The following SBF2 variants were observed in gnomAD, a reference collection of about 807,000 sequenced individuals.
The protein encoded by SBF2 is myotubularin-related protein 13.
Under a neutral mutation model 225.2 loss-of-function variants are expected in SBF2, and 112 were observed. That is an observed-to-expected ratio of 0.50 (90% CI 0.43 to 0.58). The LOEUF (loss-of-function observed/expected upper bound fraction) is 0.58, where lower values mean the gene tolerates loss of function less well. Ranked by LOEUF, SBF2 falls within the 20% of genes least tolerant of loss-of-function variation. SBF2 has a pLI of 0.00. For synonymous variants in SBF2, 763 were observed against 773.3 expected, an observed-to-expected ratio of 0.99 and a Z score of 0.22; for missense variants, 1,996 against 2,206.2, an observed-to-expected ratio of 0.90 and a Z score of 1.91.
intron 34 of SBF2, 103 bp from the exon 35 acceptor site, chr11:9,789,445 T>C (rs1346435329): frequency 2.6e-6 from 2 of 761,144 alleles, no homozygotes; most frequent in Non-Finnish European, 4.6e-6. Context: ...GGAGGAAGAG[T>C]ATGAATGGAG....
At chr11:9,815,957 G>A (rs1854434040) in intron 29 of SBF2, among the ~76,000 whole-genome samples, 1 of 152,120 alleles carries the variant, frequency 6.6e-6, no homozygotes, top group Non-Finnish European at 1.5e-5. Flanking sequence ...CATCTTAAGG[G>A]CCAAGCATGT....
chr11:10,063,858 C>CACACAGAGAGAGAG (rs373423157), intron 2 of SBF2, among the ~76,000 whole-genome samples: 53 of 136,236 alleles, frequency 3.9e-4, no homozygotes, highest in African/African-American at 1.1e-3. Context: ...CACACACACA[C>CACACAGAGAGAGAG]AGAGAGAGAG....
At position 9,816,994 on chromosome 11, in the gene SBF2, C is replaced by A. The variant is rs150028248; in HGVS notation, c.3824G>T (p.Arg1275Leu). The A allele has an allele frequency of 6.2e-7, 1 of 1,614,084 alleles. No homozygotes were observed. The highest frequency in any genetic ancestry group is 1.7e-5 in the Admixed American group (1 of 60,008). The part of the protein sequence containing the change: ...GVWASLRSST[R>L]LISSPTSFID... ...GAAGGATGTTGGAGAGCTGATCAAGCGAGTGCTAGAGCGAAGACTTGCCCA... is the reference window on the plus strand; with the variant it reads ...GAAGGATGTTGGAGAGCTGATCAAGAGAGTGCTAGAGCGAAGACTTGCCCA... Residue 1275 changes from arginine (R) to leucine (L), a missense_variant, in exon 29 of 40, where the codon CGC becomes CTC. By Grantham distance (102) the Arg-to-Leu change is moderately radical. Coordinates refer to ENST00000256190, the MANE Select transcript of SBF2 (RefSeq NM_030962.4).
intron 1 of SBF2, among the ~76,000 whole-genome samples, chr11:10,265,080 C>T (rs1961840510): frequency 6.6e-6 from 1 of 152,050 alleles, no homozygotes; most frequent in South Asian, 2.1e-4. Flanking sequence ...GATTTATAAT[C>T]CTTTGGGTAC....
At chr11:9,842,500 G>A (rs1221567222) in intron 25 of SBF2, 125 bp downstream of exon 25, 1 of 908,034 alleles carries the variant, frequency 1.1e-6, no homozygotes, top group East Asian at 2.5e-5. Context: ...AAGCTGGTAA[G>A]TGCTTCCATC....
At chr11:10,027,600 TGA>T (rs1737009255) in intron 6 of SBF2, among the ~76,000 whole-genome samples, 1 of 152,152 alleles carries the variant, frequency 6.6e-6, no homozygotes, top group African/African-American at 2.4e-5. Context: ...TGGAGAGCAA[TGA>T]GAGTGGGACA....
chr11:10,241,004 T>C (rs11042685), intron 1 of SBF2, among the ~76,000 whole-genome samples: 60,166 of 151,962 alleles, frequency 0.4, 12,955 homozygotes, highest in Non-Finnish European at 0.48. Context: ...TTAAACAAAT[T>C]TGTGTCACAG....
chr11:9,778,795 GAAAT>G lies in SBF2; in HGVS notation c.*1619_*1622del, dbSNP rs1296375607. The G allele has an allele frequency of 6.5e-6, 1 of 152,704 alleles. No individual in the cohort carries two copies. The highest frequency in any genetic ancestry group is 2.1e-4 in the South Asian group (1 of 4,822). The allele number at this position is 152,704 out of a possible 1,614,324, so 9.5% of individuals were successfully genotyped here. A position where few individuals can be genotyped will look rare whatever the true frequency, so the allele number is the denominator to read the frequency against. On this transcript the variant is annotated 3_prime_UTR_variant, in exon 40 of 40. Transcript: ENST00000256190. ...GTAAATGAGGGATGCTTTTTCTTAA[GAAAT>G]AAATTTAATTCAAGGTGGTTAGTGA...
intron 2 of SBF2, among the ~76,000 whole-genome samples, chr11:10,061,912 T>C (rs1197855834): frequency 6.6e-6 from 1 of 152,170 alleles, no homozygotes; most frequent in Non-Finnish European, 1.5e-5. Context: ...AGAGCAAAGC[T>C]GGAGGAATCA....
chr11:9,985,876 A>C (rs1947178585), intron 13 of SBF2, among the ~76,000 whole-genome samples: 1 of 152,218 alleles, frequency 6.6e-6, no homozygotes, highest in African/African-American at 2.4e-5. Flanking sequence ...ACAGGTCATC[A>C]AGACAGAAAG....
At chr11:10,254,094 TTAAAAA>T (rs545318706) in intron 1 of SBF2, among the ~76,000 whole-genome samples, 138 of 152,230 alleles carry the variant, frequency 9.1e-4, no homozygotes, top group African/African-American at 3.2e-3. Flanking sequence ...GCTCAAACAA[TTAAAAA>T]TACTCAGGTA....
intron 17 of SBF2, among the ~76,000 whole-genome samples, chr11:9,865,013 T>C (rs1858072469): frequency 6.6e-6 from 1 of 152,030 alleles, no homozygotes; most frequent in African/African-American, 2.4e-5. Context: ...GGGGCTCAAG[T>C]GATCCTCCCA....
At chr11:9,993,791 A>G in intron 10 of SBF2, 130 bp downstream of exon 10, 1 of 924,818 alleles carries the variant, frequency 1.1e-6, no homozygotes, top group East Asian at 2.7e-5. Context: ...AAGTATCCTA[A>G]TTTCTAATTT....
intron 33 of SBF2, among the ~76,000 whole-genome samples, chr11:9,794,008 C>T (rs1034566732): frequency 2.0e-5 from 3 of 152,126 alleles, no homozygotes; most frequent in African/African-American, 7.2e-5. Context: ...GATGGCAGAA[C>T]CCTATGTCTA....
At chr11:9,964,271 G>A (rs548528329) in intron 14 of SBF2, among the ~76,000 whole-genome samples, 1 of 151,938 alleles carries the variant, frequency 6.6e-6, no homozygotes, top group East Asian at 1.9e-4. Context: ...AACAAAAACT[G>A]TTGATATGAC....
intron 6 of SBF2, among the ~76,000 whole-genome samples, chr11:10,010,672 G>T (rs2134551650): frequency 6.6e-6 from 1 of 152,298 alleles, no homozygotes. Flanking sequence ...CAGGTAGCAT[G>T]ATGTCTCCAG....
intron 2 of SBF2, among the ~76,000 whole-genome samples, chr11:10,124,419 G>A (rs118086542): frequency 0.024 from 3,723 of 152,174 alleles, 82 homozygotes; most frequent in Non-Finnish European, 0.036. Context: ...AAAGGTTACC[G>A]TTTTATAACT....
At chr11:10,040,643 T>C (rs1949617922) in intron 3 of SBF2, among the ~76,000 whole-genome samples, 1 of 152,008 alleles carries the variant, frequency 6.6e-6, no homozygotes, top group Non-Finnish European at 1.5e-5. Flanking sequence ...GGTTTTATTA[T>C]ATTGATGTTA....
intron 33 of SBF2, 109 bp downstream of exon 33, chr11:9,795,722 A>T: frequency 1.5e-6 from 2 of 1,364,464 alleles, no homozygotes; most frequent in Non-Finnish European, 2.1e-6. Flanking sequence ...GTTCAGAGTT[A>T]AACCTTAACT....
Sources: gnomAD v4.1 joint callset for allele counts (sites outside exome capture counted in the v4.1 genomes callset) on GRCh38, gnomAD v4.1.1 for gene constraint, MANE v1.5 for transcripts, NCBI Gene and HGNC (gene_info 2026-07-23, HGNC 2026-07-21) for gene names.